The following RASGRP3 variants were observed in gnomAD, a reference collection of about 807,000 sequenced individuals.
The protein encoded by RASGRP3 is RAS guanyl releasing protein 3.
RASGRP3 carries 54 observed loss-of-function variants against 82.7 expected under a neutral mutation model. The observed-to-expected ratio is 0.65, with a 90% CI of 0.52 to 0.82. The LOEUF (loss-of-function observed/expected upper bound fraction) is 0.82, where lower values mean the gene tolerates loss of function less well. Ranked by LOEUF, RASGRP3 falls within the 40% of genes least tolerant of loss-of-function variation. The probability of loss-of-function intolerance (pLI) is 0.00; values close to 1 mark genes in which losing one functional copy is unlikely to be tolerated. For synonymous variants in RASGRP3, 309 were observed against 300.5 expected, an observed-to-expected ratio of 1.03 and a Z score of -0.29; for missense variants, 861 against 828.9, an observed-to-expected ratio of 1.04 and a Z score of -0.48.
intron 1 of RASGRP3, among the ~76,000 whole-genome samples, chr2:33,508,697 A>C (rs1012861705): frequency 1.3e-5 from 2 of 152,206 alleles, no homozygotes; most frequent in African/African-American, 4.8e-5. Context: ...GTGAAAAGAG[A>C]AGAAAGGAAC....
At chr2:33,490,800 T>C (rs1488935121) in intron 1 of RASGRP3, among the ~76,000 whole-genome samples, 1 of 151,582 alleles carries the variant, frequency 6.6e-6, no homozygotes, top group Non-Finnish European at 1.5e-5. Flanking sequence ...AAATTGTATA[T>C]GTAACTGCAA....
rs73926655 is a variant in RASGRP3, at chr2:33,455,349, A to G, written c.-261+7406A>G. On this transcript the variant is annotated intron_variant, in intron 2 of 18. Coordinates refer to the RASGRP3 transcript ENST00000402538. ...TTCTGGACTCAGTTACTGTCCCTTG[A>G]GTGGATTAAGTCAGGGATGTATAAG... Among the ~76,000 whole-genome samples, 659 of 152,270 alleles carry G rather than the reference A, an allele frequency of 4.3e-3. 2 individuals are homozygous for G. Among genetic ancestry groups the G allele is most frequent in the African/African-American group, 0.015 (627 of 41,536 alleles).
chr2:33,484,871 C>A (rs988519552), intron 1 of RASGRP3, among the ~76,000 whole-genome samples: 2 of 152,084 alleles, frequency 1.3e-5, no homozygotes, highest in Non-Finnish European at 2.9e-5. Flanking sequence ...CTTTTTCATC[C>A]AATCACACTG....
rs74409969 is a variant in RASGRP3 at position 33,437,222 on chromosome 2, A to G, written c.-385+631A>G. On this transcript the variant is annotated intron_variant, in intron 1 of 18. Transcript: ENST00000402538. ...TAGATTTAAATTATTATTTCCAAAC[A>G]TTCGTTCATTATGTTTTGAGTACCT... Among the ~76,000 whole-genome samples, 337 of 152,322 alleles carry G rather than the reference A, an allele frequency of 2.2e-3. 1 individual carries two copies. The highest frequency in any genetic ancestry group is 7.9e-3 in the African/African-American group (329 of 41,578).
chr2:33,452,167 C>T (rs771853056), intron 2 of RASGRP3, among the ~76,000 whole-genome samples: 21 of 152,158 alleles, frequency 1.4e-4, no homozygotes, highest in Non-Finnish European at 2.5e-4. Context: ...TCTCTTATAG[C>T]TCACTGAGCT....
At chr2:33,522,335 G>T (rs1184397959) in intron 7 of RASGRP3, among the ~76,000 whole-genome samples, 1 of 152,098 alleles carries the variant, frequency 6.6e-6, no homozygotes, top group East Asian at 1.9e-4. Context: ...TCCTTTCATA[G>T]GATTAAAGCG....
At chr2:33,540,607 T>TG (rs1243034514) in intron 12 of RASGRP3, among the ~76,000 whole-genome samples, 4 of 106,092 alleles carry the variant, frequency 3.8e-5, no homozygotes, top group African/African-American at 1.2e-4. Context: ...TGTGTGTGTC[T>TG]GGGGAATTTC....
At chr2:33,527,833 C>T (rs1672732125) in intron 10 of RASGRP3, among the ~76,000 whole-genome samples, 1 of 152,236 alleles carries the variant, frequency 6.6e-6, no homozygotes, top group Non-Finnish European at 1.5e-5. Context: ...TGTGATCCCC[C>T]TGTTCCCATT....
At chr2:33,525,285 A>T (rs935947672) in intron 9 of RASGRP3, among the ~76,000 whole-genome samples, 1 of 151,952 alleles carries the variant, frequency 6.6e-6, no homozygotes, top group Non-Finnish European at 1.5e-5. Flanking sequence ...GAAGATAGAA[A>T]GGGGAAGACA....
intron 2 of RASGRP3, among the ~76,000 whole-genome samples, chr2:33,454,057 A>T (rs1171076473): frequency 6.6e-6 from 1 of 151,778 alleles, no homozygotes; most frequent in Non-Finnish European, 1.5e-5. Flanking sequence ...AGTAAAAGTT[A>T]TTTTTTTAAA....
At chr2:33,534,125 T>C (rs1673367294) in intron 10 of RASGRP3, 198 bp from the exon 11 acceptor site, 2 of 579,704 alleles carry the variant, frequency 3.5e-6, no homozygotes, top group East Asian at 5.8e-5. Flanking sequence ...TTCTCGTCAA[T>C]ACTGATGATT....
chr2:33,540,501 T>C (rs1362235327), intron 12 of RASGRP3, among the ~76,000 whole-genome samples: 1 of 145,240 alleles, frequency 6.9e-6, no homozygotes, highest in East Asian at 1.9e-4. Context: ...ACATACTGAC[T>C]TCCTCAGTCC....
chr2:33,531,389 C>G (rs1305391894), intron 10 of RASGRP3, among the ~76,000 whole-genome samples: 1 of 152,138 alleles, frequency 6.6e-6, no homozygotes, highest in Non-Finnish European at 1.5e-5. Context: ...GTCCGTAAAG[C>G]CCAGAGGAGA....
chr2:33,463,047 A>G (rs1182456745), intron 2 of RASGRP3, among the ~76,000 whole-genome samples: 2 of 152,234 alleles, frequency 1.3e-5, no homozygotes, highest in Non-Finnish European at 2.9e-5. Context: ...ATCTAGATTC[A>G]GATTAACTTT....
intron 5 of RASGRP3, 118 bp from the exon 6 acceptor site, chr2:33,520,435 T>G: frequency 7.7e-7 from 1 of 1,291,328 alleles, no homozygotes; most frequent in Non-Finnish European, 1.1e-6. Flanking sequence ...TAATTTGAAG[T>G]GTGGTCCTGG....
At position 33,516,628 on chromosome 2, in the gene RASGRP3, G is replaced by C; in HGVS notation, c.157G>C (p.Glu53Gln). The C allele has an allele frequency of 6.4e-7, 1 of 1,565,774 alleles. No homozygotes were observed. The highest frequency in any genetic ancestry group is 8.7e-7 in the Non-Finnish European group (1 of 1,143,852). ...RWYLSSTELA[E>Q]KLLCMYRNAT... Reference sequence around the variant, plus strand: ...GTATTTATCTTCCACTGAATTGGCAGAAAAACTTCTCTGCATATATCTTTT... The same window carrying C: ...GTATTTATCTTCCACTGAATTGGCACAAAAACTTCTCTGCATATATCTTTT... The change falls in exon 4 of 18, where the codon GAA becomes CAA. Residue 53 changes from glutamate (E) to glutamine (Q), a missense_variant. Transcript: ENST00000403687.
At chr2:33,458,726 C>G (rs6728868) in intron 2 of RASGRP3, among the ~76,000 whole-genome samples, 122,706 of 152,200 alleles carry the variant, frequency 0.81, 49,688 homozygotes, top group Middle Eastern at 0.87. Context: ...CCTTTTTCCA[C>G]CAGCACCATT....
intron 13 of RASGRP3, 48 bp from the exon 14 acceptor site, chr2:33,549,556 G>A: frequency 6.4e-7 from 1 of 1,560,840 alleles, no homozygotes; most frequent in Non-Finnish European, 8.7e-7. Flanking sequence ...CAACTACTTA[G>A]CAACCTGTTA....
At chr2:33,544,779 G>A (rs1043556545) in intron 13 of RASGRP3, among the ~76,000 whole-genome samples, 1 of 152,092 alleles carries the variant, frequency 6.6e-6, no homozygotes, top group Non-Finnish European at 1.5e-5. Context: ...AGGATTATTT[G>A]AAGACAGGAG....
Sources: gnomAD v4.1 joint callset for allele counts (sites outside exome capture counted in the v4.1 genomes callset) on GRCh38, gnomAD v4.1.1 for gene constraint, MANE v1.5 for transcripts, NCBI Gene and HGNC (gene_info 2026-07-23, HGNC 2026-07-21) for gene names.